PTPA: variants seen among roughly 807,000 people sequenced by gnomAD.
PTPA encodes protein phosphatase 2 phosphatase activator, also known as serine/threonine-protein phosphatase 2A activator.
PTPA carries 13 observed loss-of-function variants against 43.6 expected under a neutral mutation model. The ratio of observed to expected loss-of-function variants is 0.30; its 90% CI spans 0.19 to 0.47. The LOEUF is 0.47. Among genes scored for constraint, PTPA ranks in the 20% least tolerant of loss-of-function variants. The pLI, the probability that PTPA is intolerant of heterozygous loss-of-function variation, is 0.99. For synonymous variants in PTPA, 172 were observed against 158.2 expected (o/e 1.09, Z -0.66); for missense variants, 329 against 411.9 (o/e 0.80, Z 1.74).
intron 5 of PTPA, among the ~76,000 whole-genome samples, chr9:129,132,529 C>G (rs2094397): frequency 0.24 from 36,978 of 151,994 alleles, 4,931 homozygotes; most frequent in Admixed American, 0.32. Flanking sequence ...GAGACAGAGT[C>G]TCACTCTGTT....
intron 3 of PTPA, among the ~76,000 whole-genome samples, chr9:129,127,347 G>T (rs1359237728): frequency 6.6e-6 from 1 of 152,186 alleles, no homozygotes; most frequent in Non-Finnish European, 1.5e-5. Context: ...TTTGCACATG[G>T]CAGGCCTGGT....
intron 9 of PTPA, 185 bp downstream of exon 9, chr9:129,142,737 A>G: frequency 6.5e-7 from 1 of 1,537,522 alleles, no homozygotes; most frequent in Non-Finnish European, 8.7e-7. Flanking sequence ...ATGGGCAGTC[A>G]GAGAAGCACC....
At chr9:129,139,019 C>T (rs1052958166) in intron 8 of PTPA, among the ~76,000 whole-genome samples, 1 of 152,136 alleles carries the variant, frequency 6.6e-6, no homozygotes, top group Non-Finnish European at 1.5e-5. Context: ...CCCTGGGGGA[C>T]CTCAGGATAA....
intron 8 of PTPA, among the ~76,000 whole-genome samples, chr9:129,140,906 C>T (rs1397460288): frequency 6.6e-6 from 1 of 152,148 alleles, no homozygotes; most frequent in Non-Finnish European, 1.5e-5. Context: ...CCTGGCTGCC[C>T]TCCTGGAGGA....
At chr9:129,126,480 A>G (rs1849588412) in intron 3 of PTPA, among the ~76,000 whole-genome samples, 1 of 152,020 alleles carries the variant, frequency 6.6e-6, no homozygotes, top group Non-Finnish European at 1.5e-5. Flanking sequence ...GTGCCTGGCC[A>G]GCTAGCTCTT....
chr9:129,136,686 T>C (rs1012097419), intron 7 of PTPA, 91 bp downstream of exon 7: 1 of 1,405,238 alleles, frequency 7.1e-7, no homozygotes, highest in East Asian at 2.5e-5. Flanking sequence ...CCTCCTTCCC[T>C]TCTTCCTGCC....
At position 129,131,563 on chromosome 9, in the gene PTPA, G is replaced by A; in HGVS notation, c.384G>A (p.Leu128=). The part of the protein sequence containing the change: ...NLVATVVPTH[L]AAAVPEVAVY... ...TGGCCACAGTGGTCCCTACCCATCT[G>A]GCAGCTGCTGTGCCTGAGGTGGCTG... is the stretch of plus-strand genomic sequence containing the variant. The change falls in exon 5 of 10, where the codon CTG becomes CTA. Residue 128 remains leucine (L), a synonymous_variant. Transcript: ENST00000393370. The A allele has an allele frequency of 3.1e-6, 5 of 1,614,098 alleles. No homozygotes were observed. Among genetic ancestry groups the A allele is most frequent in the Non-Finnish European group, 4.2e-6 (5 of 1,180,034 alleles).
At position 129,129,033 on chromosome 9, in the gene PTPA, G is replaced by A. The variant is rs1849771629; in HGVS notation, c.265G>A (p.Asp89Asn). 1 of 1,613,002 alleles carries A rather than the reference G, an allele frequency of 6.2e-7. No individual in the cohort carries two copies. The highest frequency in any genetic ancestry group is 8.5e-7 in the Non-Finnish European group (1 of 1,180,010). ...TCTCAACACGCTGGACAGGTGGATT[G>A]ATGAGACTCCTCCAGTGGACCAGCC... ...ALLNTLDRWI[D>N]ETPPVDQPSR... Residue 89 changes from aspartate to asparagine, a missense_variant, in exon 4 of 10, where the codon GAT (aspartate) becomes AAT (asparagine). Transcript: ENST00000393370.
intron 9 of PTPA, chr9:129,143,290 G>A: frequency 1.4e-6 from 1 of 702,898 alleles, no homozygotes; most frequent in Non-Finnish European, 2.6e-6. Context: ...TTCTAGAACT[G>A]CTTGACCTTG....
chr9:129,137,817 C>A (rs752365618), intron 8 of PTPA, 125 bp downstream of exon 8: 2 of 906,868 alleles, frequency 2.2e-6, no homozygotes, highest in Admixed American at 2.0e-5. Context: ...CCGGCCGGAG[C>A]GGGTTATTGA....
chr9:129,142,819 C>T, intron 9 of PTPA: 1 of 1,534,386 alleles, frequency 6.5e-7, no homozygotes, highest in Non-Finnish European at 8.7e-7. Context: ...CAAGGACCTG[C>T]TGCATGGGGA....
chr9:129,110,962 G>C (rs1023308491), upstream of PTPA: 19 of 1,366,470 alleles, frequency 1.4e-5, no homozygotes, highest in Admixed American at 3.8e-5. The surrounding 1 kb of genome is among the most constrained non-coding windows in gnomAD (Gnocchi z 5.3). Context: ...TGAGACCTGT[G>C]GAGGAGGAAG....
At chr9:129,136,663 C>CCCT in intron 7 of PTPA, 68 bp downstream of exon 7, 1 of 1,487,526 alleles carries the variant, frequency 6.7e-7, no homozygotes, top group Non-Finnish European at 9.0e-7. Context: ...CCTCCCCTGC[C>CCCT]CCTCCTGCGC....
At chr9:129,126,043 G>T (rs890487981) in intron 3 of PTPA, among the ~76,000 whole-genome samples, 1 of 152,024 alleles carries the variant, frequency 6.6e-6, no homozygotes, top group Non-Finnish European at 1.5e-5. Context: ...AGCTACTTCG[G>T]AGGTGGAGTC....
Position 129,111,469 on chromosome 9 carries a change from T to C in PTPA, c.-132T>C. 1.6e-6 allele frequency: 2 copies of C among 1,262,494 alleles called. No individual in the cohort carries two copies. The highest frequency in any genetic ancestry group is 2.0e-6 in the Non-Finnish European group (2 of 995,774). The allele number at this position is 1,262,494 out of a possible 1,614,324, so 78.2% of individuals were successfully genotyped here. On this transcript the variant is annotated 5_prime_UTR_variant, in exon 1 of 10. The change abolishes the stop of an existing upstream ORF in the 5' untranslated region. Coordinates refer to ENST00000393370, the MANE Select transcript of PTPA (RefSeq NM_178000.3). ...GACTTTAACTCTCGGTTTTCGGTTA[T>C]AGCCGGCCGGCGCTCACTTGTCTTC...
chr9:129,145,911 G>T (rs911496384), intron 9 of PTPA, among the ~76,000 whole-genome samples: 4 of 152,102 alleles, frequency 2.6e-5, no homozygotes, highest in Non-Finnish European at 4.4e-5. Flanking sequence ...AGAAAGGCTG[G>T]GCTGGAGGCT....
chr9:129,127,147 T>G (rs996062385), intron 3 of PTPA, among the ~76,000 whole-genome samples: 1 of 152,184 alleles, frequency 6.6e-6, no homozygotes, highest in Admixed American at 6.5e-5. Context: ...CTTAGCCAGG[T>G]GTAAAGGGAA....
chr9:129,132,401 C>G (rs1850036786), intron 5 of PTPA, among the ~76,000 whole-genome samples: 1 of 152,068 alleles, frequency 6.6e-6, no homozygotes, highest in African/African-American at 2.4e-5. Context: ...GTGATCTTGG[C>G]CCACTGCAGC....
chr9:129,142,338 T>TTG (rs57365080), intron 8 of PTPA, 107 bp from the exon 9 acceptor site: 398,553 of 789,856 alleles, frequency 0.5, 57,054 homozygotes, highest in Non-Finnish European at 0.52. Context: ...GCGTGTGCGT[T>TTG]TGTGTGTGTG....
Sources: gnomAD v4.1 joint callset for allele counts (sites outside exome capture counted in the v4.1 genomes callset) on GRCh38, gnomAD v4.1.1 for gene constraint, Gnocchi (gnomAD v3.1) non-coding constraint, MANE v1.5 for transcripts, NCBI Gene and HGNC (gene_info 2026-07-23, HGNC 2026-07-21) for gene names.